Variants in CD302 observed in about 807,000 individuals in gnomAD.
The protein encoded by CD302 is CD302 antigen.
Under a neutral mutation model 26.5 loss-of-function variants are expected in CD302, and 23 were observed. The observed-to-expected ratio is 0.87, with a 90% CI of 0.62 to 1.23. The LOEUF (loss-of-function observed/expected upper bound fraction) is 1.23. Among genes scored for constraint, CD302 ranks in the 50% most tolerant of loss-of-function variants. The probability of loss-of-function intolerance (pLI) is 0.00; values close to 1 mark genes in which losing one functional copy is unlikely to be tolerated. For synonymous variants in CD302, 90 were observed against 99.4 expected, an observed-to-expected ratio of 0.91 and a Z score of 0.56; for missense variants, 290 against 275.5, an observed-to-expected ratio of 1.05 and a Z score of -0.37.
intron 1 of CD302, 84 bp downstream of exon 1, chr2:159,798,048 G>C: frequency 7.5e-7 from 1 of 1,326,002 alleles, no homozygotes; most frequent in South Asian, 1.4e-5. Flanking sequence ...CCGCCCTCGG[G>C]TGCGCGGGGA....
chr2:159,786,847 G>A (rs543220329), intron 1 of CD302, among the ~76,000 whole-genome samples: 24 of 152,034 alleles, frequency 1.6e-4, no homozygotes, highest in African/African-American at 5.5e-4. Flanking sequence ...AATTATCAGA[G>A]GAATGAGGAA....
At chr2:159,773,675 T>C (rs1455615368) in intron 5 of CD302, among the ~76,000 whole-genome samples, 1 of 152,194 alleles carries the variant, frequency 6.6e-6, no homozygotes, top group African/African-American at 2.4e-5. Flanking sequence ...TGCATACTAC[T>C]AAAATGTGTG....
intron 5 of CD302, among the ~76,000 whole-genome samples, chr2:159,776,372 TG>T (rs1275063021): frequency 6.6e-6 from 1 of 152,104 alleles, no homozygotes; most frequent in Non-Finnish European, 1.5e-5. Flanking sequence ...AACAGATGGG[TG>T]TACGGATATT....
chr2:159,783,487 G>C lies in CD302; in HGVS notation c.68-18C>G, dbSNP rs764089377. The stretch of plus-strand genomic sequence containing the variant: ...AGGACAGTCTATGTAGAAAAAAGAA[G>C]AACACTGTTAAATAACTTGAGAAAA... On this transcript the variant is annotated intron_variant, in intron 1 of 5. Transcript: ENST00000259053. 2 of 1,557,308 alleles carry C rather than the reference G, an allele frequency of 1.3e-6. No individual in the cohort carries two copies. Among genetic ancestry groups the C allele is most frequent in the Admixed American group, 2.1e-5 (1 of 48,448 alleles).
At position 159,781,232 on chromosome 2, in the gene CD302, A is replaced by C. The variant is rs954712931; in HGVS notation, c.179-234T>G. On this transcript the variant is annotated intron_variant, in intron 2 of 5. Transcript: ENST00000259053. ...ATGTTTATGTCTCAGTATACTTTAC[A>C]TAATTTTTTTTAAGGGATGGAAAAT... Among the ~76,000 whole-genome samples, 5 of 152,278 alleles carry C rather than the reference A, an allele frequency of 3.3e-5. No individual in the cohort carries two copies. In the South Asian group the frequency reaches 8.3e-4, roughly 25 times the overall value.
At chr2:159,784,972 C>CT (rs35915930) in intron 1 of CD302, among the ~76,000 whole-genome samples, 23,829 of 111,742 alleles carry the variant, frequency 0.21, 3,323 homozygotes, top group South Asian at 0.39. Context: ...TCCGTACAGA[C>CT]TTTTTTTTTT....
At position 159,780,081 on chromosome 2, in the gene CD302, C is replaced by A. The variant is rs767056212; in HGVS notation, c.393G>T (p.Leu131=). Residue 131 remains leucine (L), a synonymous_variant, in exon 4 of 6, where the codon CTG becomes CTT. Transcript: ENST00000259053. The part of the protein sequence containing the change: ...DEDLVDTCAF[L]HIKTGEWKKG... ...TTTTCCATTCACCTGTCTTGATGTG[C>A]AGAAAAGCACAGGTGTCAACTAAAT... is the stretch of plus-strand genomic sequence containing the variant. 4.3e-6 allele frequency: 7 copies of A among 1,614,008 alleles called. No homozygotes were observed. In the South Asian group the frequency reaches 7.7e-5, roughly 18 times the overall value.
In CD302 at chr2:159,780,179, C is replaced by T; in HGVS notation, c.296-1G>A. The T allele has an allele frequency of 6.2e-7, 1 of 1,612,906 alleles. No homozygotes were observed. The highest frequency in any genetic ancestry group is 8.5e-7 in the Non-Finnish European group (1 of 1,179,406). ...TTATCAAACCACTTGAAACTCGCAT[C>T]TGTCAATTAAGGAATATTTTCAACA... On this transcript the variant is annotated splice_acceptor_variant, in intron 3 of 5. Coordinates refer to ENST00000259053, the MANE Select transcript of CD302 (RefSeq NM_014880.5). LOFTEE classifies it high-confidence loss of function.
intron 5 of CD302, among the ~76,000 whole-genome samples, chr2:159,775,834 C>T (rs1051936520): frequency 9.2e-5 from 14 of 151,664 alleles, no homozygotes; most frequent in Non-Finnish European, 1.6e-4. Context: ...CTTTAGGTAC[C>T]TCATACTATA....
chr2:159,791,367 T>A (rs1198676953), intron 1 of CD302, among the ~76,000 whole-genome samples: 1 of 152,230 alleles, frequency 6.6e-6, no homozygotes, highest in Non-Finnish European at 1.5e-5. Flanking sequence ...AAGGAAATTA[T>A]CCTTATTCCA....
intron 5 of CD302, among the ~76,000 whole-genome samples, chr2:159,774,541 G>C (rs1446951787): frequency 2.0e-5 from 3 of 152,210 alleles, no homozygotes; most frequent in Non-Finnish European, 2.9e-5. Flanking sequence ...CTGAGGCACA[G>C]GGTTTAAATG....
chr2:159,768,656 C>A lies in CD302; in HGVS notation c.*3195G>T, dbSNP rs1708027105. ...ATAACCAAGAATTTTATTACAATTT[C>A]AAATCTCATTTTAAGCAATAATATA... On this transcript the variant is annotated 3_prime_UTR_variant, in exon 6 of 6. Transcript: ENST00000259053. 1 of 152,554 alleles carries A rather than the reference C, an allele frequency of 6.6e-6. No homozygotes were observed. Among genetic ancestry groups the A allele is most frequent in the African/African-American group, 2.4e-5 (1 of 41,442 alleles). The allele number at this position is 152,554 out of a possible 1,614,324, so 9.5% of individuals were successfully genotyped here.
intron 5 of CD302, among the ~76,000 whole-genome samples, chr2:159,775,226 G>A: frequency 6.6e-6 from 1 of 152,018 alleles, no homozygotes; most frequent in Non-Finnish European, 1.5e-5. Context: ...CTAACTTTAG[G>A]AGAAAGCCTG....
In CD302 at chr2:159,770,563, G is replaced by A. The variant is rs1371583529; in HGVS notation, c.*1288C>T. On this transcript the variant is annotated 3_prime_UTR_variant, in exon 6 of 6. Transcript: ENST00000259053. ...AGATAATTGATGGGGTGTGGATTCA[G>A]AAGAGGGATTACTTTTCTTTGAGCC... The A allele has an allele frequency of 6.6e-6, 1 of 152,166 alleles. No individual in the cohort carries two copies. Among genetic ancestry groups the A allele is most frequent in the African/African-American group, 2.4e-5 (1 of 41,452 alleles). 9.4% of individuals were successfully genotyped at this position (152,166 alleles called of 1,614,324 possible). A position where few individuals can be genotyped will look rare whatever the true frequency, so the allele number is the denominator to read the frequency against.
Position 159,783,455 on chromosome 2 carries a change from T to C in CD302, c.82A>G (p.Thr28Ala), listed in dbSNP as rs747748374. The C allele has an allele frequency of 1.9e-6, 3 of 1,606,360 alleles. No individual in the cohort carries two copies. Among genetic ancestry groups the C allele is most frequent in the East Asian group, 2.2e-5 (1 of 44,756 alleles). Residue 28 changes from threonine to alanine, a missense_variant, in exon 2 of 6, where the codon ACT (threonine) becomes GCT (alanine). Coordinates refer to ENST00000259053, the MANE Select transcript of CD302 (RefSeq NM_014880.5). ...CAACTGTCTTGGAACTGAATCCAAG[T>C]AGATGAAGGACAGTCTATGTAGAAA... ...AAAVADCPSS[T>A]WIQFQDSCYI...
chr2:159,787,807 A>C (rs1049225799), intron 1 of CD302, among the ~76,000 whole-genome samples: 1 of 152,176 alleles, frequency 6.6e-6, no homozygotes, highest in African/African-American at 2.4e-5. Context: ...AAACTCCCTC[A>C]GTTCTTGATA....
chr2:159,774,306 T>C (rs1432276848), intron 5 of CD302, among the ~76,000 whole-genome samples: 1 of 152,172 alleles, frequency 6.6e-6, no homozygotes, highest in African/African-American at 2.4e-5. Flanking sequence ...AAATAGCCAC[T>C]GTCCAGTCAA....
intron 5 of CD302, among the ~76,000 whole-genome samples, chr2:159,773,136 A>T (rs981489114): frequency 3.9e-5 from 6 of 152,220 alleles, no homozygotes; most frequent in Non-Finnish European, 7.3e-5. Context: ...CTCATGTGTC[A>T]GCCTGGGTAG....
Position 159,777,918 on chromosome 2 carries a change from A to G in CD302, c.496+20T>C. 1 of 1,020,058 alleles carries G rather than the reference A, an allele frequency of 9.8e-7. No individual in the cohort carries two copies. Among genetic ancestry groups the G allele is most frequent in the Non-Finnish European group, 1.4e-6 (1 of 705,224 alleles). 63.2% of individuals were successfully genotyped at this position (1,020,058 alleles called of 1,614,324 possible). A position where few individuals can be genotyped will look rare whatever the true frequency, so the allele number is the denominator to read the frequency against. On this transcript the variant is annotated intron_variant, in intron 5 of 5. Transcript: ENST00000259053. Reference sequence around the variant, plus strand: ...TATTTTTAATTGTGGGAAAAATTTAAAGACCAAATCATTACTTACCTGATA... The same window carrying G: ...TATTTTTAATTGTGGGAAAAATTTAGAGACCAAATCATTACTTACCTGATA...
Sources: gnomAD v4.1 joint callset for allele counts (sites outside exome capture counted in the v4.1 genomes callset) on GRCh38, gnomAD v4.1.1 for gene constraint, MANE v1.5 for transcripts, NCBI Gene and HGNC (gene_info 2026-07-23, HGNC 2026-07-21) for gene names.